The following ST3GAL4 variants were observed in gnomAD, a reference collection of about 807,000 sequenced individuals.
ST3GAL4 encodes CMP-N-acetylneuraminate-beta-galactosamide-alpha-2,3-sialyltransferase 4.
In ST3GAL4, 24 loss-of-function variants were observed where a neutral mutation model predicts 42.6. That is an observed-to-expected ratio of 0.56 (90% CI 0.41 to 0.79). The LOEUF is 0.79. Among genes scored for constraint, ST3GAL4 ranks in the 30% least tolerant of loss-of-function variants. ST3GAL4 has a pLI of 0.00. For missense variants in ST3GAL4, 311 were observed against 430.8 expected, an observed-to-expected ratio of 0.72 and a Z score of 2.46; for synonymous variants, 135 against 163.2, an observed-to-expected ratio of 0.83 and a Z score of 1.32.
intron 1 of ST3GAL4, among the ~76,000 whole-genome samples, chr11:126,395,206 TATTA>T (rs946190327): frequency 6.6e-6 from 1 of 152,136 alleles, no homozygotes; most frequent in Non-Finnish European, 1.5e-5. Flanking sequence ...CAGATCCATT[TATTA>T]ATTCAACACG....
intron 10 of ST3GAL4, 64 bp downstream of exon 10, chr11:126,413,712 C>A: frequency 6.3e-7 from 1 of 1,599,038 alleles, no homozygotes. Context: ...CAGAGGGGCA[C>A]TGGGTGAGTG....
At chr11:126,387,673 CAAAAA>C (rs1015589992) in intron 1 of ST3GAL4, among the ~76,000 whole-genome samples, 2 of 116,116 alleles carry the variant, frequency 1.7e-5, no homozygotes, top group African/African-American at 6.1e-5. Context: ...GACTCTGTCT[CAAAAA>C]AAAAAAAAAA....
intron 10 of ST3GAL4, 72 bp downstream of exon 10, chr11:126,413,720 G>C: frequency 6.3e-7 from 1 of 1,590,202 alleles, no homozygotes; most frequent in Non-Finnish European, 8.6e-7. Context: ...CACTGGGTGA[G>C]TGGGAGCAGT....
chr11:126,387,018 A>G (rs570900244), intron 1 of ST3GAL4, among the ~76,000 whole-genome samples: 197 of 152,250 alleles, frequency 1.3e-3, no homozygotes, highest in Non-Finnish European at 2.6e-3. Context: ...CCCAGGGTGC[A>G]TACTGTGGCT....
chr11:126,406,280 G>A lies in ST3GAL4; in HGVS notation c.16+109G>A. ...TGTGGAGGGACAGACAGGGAGCCAG[G>A]GGCCCTTCTCTTCATCTTGAAGGAC... On this transcript the variant is annotated intron_variant, in intron 2 of 10. Transcript: ENST00000444328. The surrounding 1 kb of genome is among the most constrained non-coding windows in gnomAD (Gnocchi z 5.4). 1.8e-5 allele frequency: 28 copies of A among 1,546,548 alleles called. No homozygotes were observed. Among genetic ancestry groups the A allele is most frequent in the Non-Finnish European group, 2.4e-5 (28 of 1,145,286 alleles).
Position 126,409,418 on chromosome 11 carries a change from A to T in ST3GAL4, c.771+7A>T. On this transcript the variant is annotated splice_region_variant and intron_variant, in intron 9 of 10. Coordinates refer to ENST00000444328, the MANE Select transcript of ST3GAL4 (RefSeq NM_001254757.2). The surrounding 1 kb of genome is among the most constrained non-coding windows in gnomAD (Gnocchi z 4.9). ...GCCACGGAAGATTAAGCAGGTGATG[A>T]TGGGAAGTCAGGCCTGAGGGCTAGG... 6.2e-7 allele frequency: 1 copy of T among 1,614,192 alleles called. No individual in the cohort carries two copies. Among genetic ancestry groups the T allele is most frequent in the Non-Finnish European group, 8.5e-7 (1 of 1,180,030 alleles).
Position 126,414,013 on chromosome 11 carries a change from A to C in ST3GAL4, c.968A>C (p.Glu323Ala), listed in dbSNP as rs1954639153. ...GCCCTGGCCATTAAGCGGATGCTGGAGATGGGAGCTATCAAGAACCTCACG... is the reference window on the plus strand; with the variant it reads ...GCCCTGGCCATTAAGCGGATGCTGGCGATGGGAGCTATCAAGAACCTCACG... Reference protein sequence around the residue: ...QEALAIKRMLEMGAIKNLTSF With the variant: ...QEALAIKRMLAMGAIKNLTSF The change falls in exon 11 of 11, where the codon GAG (glutamate) becomes GCG (alanine). Residue 323 changes from glutamate (E) to alanine (A), a missense_variant. Transcript: ENST00000444328. The C allele has an allele frequency of 1.2e-6, 2 of 1,614,118 alleles. No individual in the cohort carries two copies. Among genetic ancestry groups the C allele is most frequent in the African/African-American group, 2.7e-5 (2 of 74,942 alleles).
In ST3GAL4 at chr11:126,406,461, T is replaced by C. The variant is rs1481479502; in HGVS notation, c.17-12T>C. 6 of 1,614,186 alleles carry C rather than the reference T, an allele frequency of 3.7e-6. No homozygotes were observed. The highest frequency in any genetic ancestry group is 5.1e-6 in the Non-Finnish European group (6 of 1,180,028). On this transcript the variant is annotated splice_polypyrimidine_tract_variant and intron_variant, in intron 2 of 10. Coordinates refer to ENST00000444328, the MANE Select transcript of ST3GAL4 (RefSeq NM_001254757.2). The surrounding 1 kb of genome is among the most constrained non-coding windows in gnomAD (Gnocchi z 5.4). The stretch of plus-strand genomic sequence containing the variant: ...TTGCTGCCTCTAGCTCCTCTCTGCA[T>C]GTGTCCTGCAGGCTGGAAGCTCCTG...
chr11:126,389,746 A>T lies in ST3GAL4; in HGVS notation c.-60-16350A>T, dbSNP rs575602190. On this transcript the variant is annotated intron_variant, in intron 1 of 10. Coordinates refer to ENST00000444328, the MANE Select transcript of ST3GAL4 (RefSeq NM_001254757.2). ...GCCACCAAGCCCAGCTAAGTTGTTTATTTTATTTTTTTATTTTTTAAATAA... is the reference window on the plus strand; with the variant it reads ...GCCACCAAGCCCAGCTAAGTTGTTTTTTTTATTTTTTTATTTTTTAAATAA... 9.2e-5 allele frequency among the ~76,000 whole-genome samples: 14 copies of T among 152,070 alleles called. No individual in the cohort carries two copies. The South Asian group carries it at 2.9e-3, about 32-fold the overall frequency.
chr11:126,357,984 A>G (rs1216226543), intron 1 of ST3GAL4, among the ~76,000 whole-genome samples: 7 of 152,342 alleles, frequency 4.6e-5, no homozygotes, highest in Non-Finnish European at 1.5e-5. Flanking sequence ...TAGGGAAAGG[A>G]GCTGGCTGGG....
At chr11:126,395,766 A>G (rs986803743) in intron 1 of ST3GAL4, among the ~76,000 whole-genome samples, 3 of 152,074 alleles carry the variant, frequency 2.0e-5, no homozygotes, top group African/African-American at 7.2e-5. Context: ...CATGATTGTC[A>G]GGCCTCCCCA....
chr11:126,408,626 C>T, intron 8 of ST3GAL4, 130 bp downstream of exon 8: 3 of 1,174,062 alleles, frequency 2.6e-6, no homozygotes, highest in East Asian at 5.1e-5. Context: ...AACCGGGCTC[C>T]CGGAAGTCAG....
chr11:126,372,003 T>G (rs957360851), intron 1 of ST3GAL4, among the ~76,000 whole-genome samples: 22 of 152,264 alleles, frequency 1.4e-4, no homozygotes, highest in Non-Finnish European at 2.5e-4. Flanking sequence ...TGCCTTTTTG[T>G]GTTCTTTTTT....
chr11:126,385,607 C>T lies in ST3GAL4; in HGVS notation c.-60-20489C>T, dbSNP rs190625729. 2.6e-5 allele frequency among the ~76,000 whole-genome samples: 4 copies of T among 152,278 alleles called. No individual in the cohort carries two copies. The East Asian group carries it at 7.7e-4, about 29-fold the overall frequency. On this transcript the variant is annotated intron_variant, in intron 1 of 10. Transcript: ENST00000444328. ...AACATTTAATGTATTCCTTCTGTGC[C>T]TCAGTTTTCTTCTGTGTAAATGAGA...
intron 6 of ST3GAL4, 115 bp from the exon 7 acceptor site, chr11:126,407,984 G>A: frequency 8.4e-7 from 1 of 1,187,206 alleles, no homozygotes; most frequent in African/African-American, 1.5e-5. Flanking sequence ...GCTTCATGGG[G>A]ACCAGGGGCT....
In ST3GAL4 at chr11:126,406,629, C is replaced by T. The variant is rs528118467; in HGVS notation, c.101+72C>T. ...GGCTTAGGGATGGAGCATCATGGAGCGGGGGACCTAGTAGGGCAGGAAGGT... is the reference window on the plus strand; with the variant it reads ...GGCTTAGGGATGGAGCATCATGGAGTGGGGGACCTAGTAGGGCAGGAAGGT... On this transcript the variant is annotated intron_variant, in intron 3 of 10. Coordinates refer to ENST00000444328, the MANE Select transcript of ST3GAL4 (RefSeq NM_001254757.2). This position sits in a 1 kb window ranked among gnomAD's most constrained non-coding sequence, Gnocchi z 5.4. The T allele has an allele frequency of 2.1e-5, 31 of 1,467,452 alleles. No individual in the cohort carries two copies. Among genetic ancestry groups the T allele is most frequent in the African/African-American group, 1.9e-4 (13 of 70,162 alleles). 90.9% of individuals were successfully genotyped at this position (1,467,452 alleles called of 1,614,324 possible).
chr11:126,360,698 A>G (rs1427277346), intron 1 of ST3GAL4, among the ~76,000 whole-genome samples: 2 of 152,218 alleles, frequency 1.3e-5, no homozygotes, highest in Non-Finnish European at 2.9e-5. Context: ...CTGGGATTAC[A>G]GGCGTGAGCC....
At chr11:126,375,732 C>A (rs1353448555) in intron 1 of ST3GAL4, among the ~76,000 whole-genome samples, 1 of 152,138 alleles carries the variant, frequency 6.6e-6, no homozygotes, top group Non-Finnish European at 1.5e-5. Context: ...GTGGGATTTC[C>A]TTCTGGTGTC....
At position 126,391,400 on chromosome 11, in the gene ST3GAL4, C is replaced by T. The variant is rs1397552232; in HGVS notation, c.-60-14696C>T. Among the ~76,000 whole-genome samples, 1 of 152,120 alleles carries T rather than the reference C, an allele frequency of 6.6e-6. No individual in the cohort carries two copies. Among genetic ancestry groups the T allele is most frequent in the Non-Finnish European group, 1.5e-5 (1 of 68,014 alleles). On this transcript the variant is annotated intron_variant, in intron 1 of 10. Transcript: ENST00000444328. This position sits in a 1 kb window ranked among gnomAD's most constrained non-coding sequence, Gnocchi z 5.5. ...GTGCCTGCTGAGTGGTGGAACAGTT[C>T]TGAAAAGGTCTGTTCTGGAGTGGGG...
Sources: allele counts gnomAD v4.1 joint callset (sites outside exome capture counted in the v4.1 genomes callset), GRCh38; gene constraint gnomAD v4.1.1; non-coding constraint Gnocchi (gnomAD v3.1); transcripts MANE v1.5; gene names NCBI Gene and HGNC (gene_info 2026-07-23, HGNC 2026-07-21).